Variants in LINGO1 observed in about 807,000 individuals in gnomAD.
LINGO1 encodes leucine rich repeat and Ig domain containing 1.
In LINGO1, 11 loss-of-function variants were observed where a neutral mutation model predicts 37.3. The observed-to-expected ratio is 0.29, with a 90% confidence interval of 0.19 to 0.49. The LOEUF (loss-of-function observed/expected upper bound fraction) is 0.49. Ranked by LOEUF, LINGO1 falls within the 20% of genes least tolerant of loss-of-function variation. The probability of loss-of-function intolerance (pLI) is 0.99; values close to 1 mark genes in which losing one functional copy is unlikely to be tolerated. For missense variants in LINGO1, 585 were observed against 878.2 expected (o/e 0.67, Z 4.22); for synonymous variants, 387 against 403.0 (o/e 0.96, Z 0.48).
chr15:77,632,542 G>A lies in LINGO1; in HGVS notation c.-227C>T. 1 of 268,638 alleles carries A rather than the reference G, an allele frequency of 3.7e-6. No homozygotes were observed. Among genetic ancestry groups the A allele is most frequent in the Non-Finnish European group, 6.7e-6 (1 of 148,572 alleles). The allele number at this position is 268,638 out of a possible 1,614,324, so 16.6% of individuals were successfully genotyped here. Reference sequence around the variant, plus strand: ...CCGGGGCTCGGGAGTGGGGAGGCGGGAGGCCGCGGCCCCGGCGGGCGGATG... The same window carrying A: ...CCGGGGCTCGGGAGTGGGGAGGCGGAAGGCCGCGGCCCCGGCGGGCGGATG... On this transcript the variant is annotated 5_prime_UTR_variant, in exon 1 of 2. Coordinates refer to ENST00000355300, the MANE Select transcript of LINGO1 (RefSeq NM_032808.7). This position sits in a 1 kb window ranked among gnomAD's most constrained non-coding sequence, Gnocchi z 6.0.
intron 3 of LINGO1, among the ~76,000 whole-genome samples, chr15:77,656,669 C>T (rs2074873534): frequency 6.6e-6 from 1 of 152,174 alleles, no homozygotes; most frequent in Non-Finnish European, 1.5e-5. Context: ...CAGTCCTGTC[C>T]TCGGCCCTCC....
At chr15:77,699,033 T>C (rs1340225032), upstream of LINGO1, among the ~76,000 whole-genome samples, 2 of 152,162 alleles carry the variant, frequency 1.3e-5, no homozygotes, top group East Asian at 3.9e-4. Flanking sequence ...TCCAGGGATG[T>C]GTCAGGAAAG....
rs1180622993 is a variant in LINGO1, at chr15:77,704,578, T to C, written c.-194-13677A>G. On this transcript the variant is annotated intron_variant, in intron 2 of 3. Coordinates refer to the LINGO1 transcript ENST00000561686. ...CCAACCCTGGTCACACACTGAGCTC[T>C]GACCCTGGTCAGACACTGAACCCCG... is the stretch of plus-strand genomic sequence containing the variant. 4.1e-5 allele frequency among the ~76,000 whole-genome samples: 6 copies of C among 145,622 alleles called. No individual in the cohort carries two copies. In the East Asian group the frequency reaches 1.2e-3, roughly 30 times the overall value.
At chr15:77,764,824 C>G (rs1005932816) in intron 1 of LINGO1, among the ~76,000 whole-genome samples, 1 of 152,204 alleles carries the variant, frequency 6.6e-6, no homozygotes, top group African/African-American at 2.4e-5. Context: ...GAGTCTCCCA[C>G]ATGCACAAGG....
chr15:77,734,086 G>A (rs1318469208), intron 2 of LINGO1, among the ~76,000 whole-genome samples: 1 of 152,140 alleles, frequency 6.6e-6, no homozygotes, highest in African/African-American at 2.4e-5. Context: ...CCCTGCCCTG[G>A]GCCGTGCGGC....
At chr15:77,819,891 C>T (rs56061966) in intron 1 of LINGO1, 15,417 of 151,312 alleles carry the variant, frequency 0.1, 840 homozygotes, top group Middle Eastern at 0.14. Context: ...CTTCTCCCCC[C>T]CTTCCAGTCC....
intron 1 of LINGO1, among the ~76,000 whole-genome samples, chr15:77,765,866 G>A (rs1451918247): frequency 6.6e-6 from 1 of 152,126 alleles, no homozygotes; most frequent in Non-Finnish European, 1.5e-5. Flanking sequence ...GGCAGCCATG[G>A]TTGACAGGCC....
chr15:77,708,790 A>T (rs537867638), intron 2 of LINGO1, among the ~76,000 whole-genome samples: 4 of 152,292 alleles, frequency 2.6e-5, no homozygotes, highest in African/African-American at 9.6e-5. Flanking sequence ...CTGTAATCCC[A>T]GCTACTCGGG....
intron 1 of LINGO1, among the ~76,000 whole-genome samples, 177 bp from the exon 2 acceptor site, chr15:77,616,077 C>T (rs2073710249): frequency 1.3e-5 from 2 of 152,160 alleles, no homozygotes; most frequent in Admixed American, 1.3e-4. Context: ...GCTGCCCCCT[C>T]CTTGCCTCTT....
chr15:77,667,615 G>C (rs2075160677), intron 3 of LINGO1: 1 of 152,218 alleles, frequency 6.6e-6, no homozygotes, highest in African/African-American at 2.4e-5. Flanking sequence ...AGCCTTGTCA[G>C]TGTGACATTA....
At chr15:77,782,183 T>C (rs960361333) in intron 1 of LINGO1, among the ~76,000 whole-genome samples, 3 of 151,260 alleles carry the variant, frequency 2.0e-5, no homozygotes, top group Non-Finnish European at 2.9e-5. Flanking sequence ...GTTAATGGGC[T>C]CCACACGATG....
intron 3 of LINGO1, among the ~76,000 whole-genome samples, chr15:77,653,275 G>T (rs569565931): frequency 6.6e-6 from 1 of 152,280 alleles, no homozygotes; most frequent in South Asian, 2.1e-4. Flanking sequence ...CACTGTCCTT[G>T]CCTGCTGTTC....
chr15:77,807,092 A>G (rs1433592248), intron 1 of LINGO1, among the ~76,000 whole-genome samples: 1 of 152,042 alleles, frequency 6.6e-6, no homozygotes, highest in East Asian at 1.9e-4. Flanking sequence ...TCCTGTCTGG[A>G]ATTCCTTCCT....
At chr15:77,746,106 A>C (rs2141357188) in intron 1 of LINGO1, among the ~76,000 whole-genome samples, 1 of 151,546 alleles carries the variant, frequency 6.6e-6, no homozygotes, top group South Asian at 2.1e-4. Context: ...TACACAGGAG[A>C]CTGAGGCAGG....
At chr15:77,693,166 C>T (rs149067855) in intron 1 of LINGO1, among the ~76,000 whole-genome samples, 213 of 152,324 alleles carry the variant, frequency 1.4e-3, no homozygotes, top group African/African-American at 4.9e-3. Context: ...TTCTTGTTTT[C>T]TGTGTTATTT....
intron 1 of LINGO1, among the ~76,000 whole-genome samples, chr15:77,756,913 T>C (rs1567566309): frequency 6.6e-6 from 1 of 152,152 alleles, no homozygotes; most frequent in Non-Finnish European, 1.5e-5. Flanking sequence ...CACACACTCA[T>C]CCCTCAGGGA....
At chr15:77,804,660 C>A (rs1226907420) in intron 1 of LINGO1, among the ~76,000 whole-genome samples, 1 of 152,154 alleles carries the variant, frequency 6.6e-6, no homozygotes, top group Non-Finnish European at 1.5e-5. Flanking sequence ...TGGCCTGACC[C>A]CGGCTCCAGG....
rs754883713 is a variant in LINGO1, at chr15:77,615,694, G to C, written c.213C>G (p.Thr71=). Residue 71 remains threonine, a synonymous_variant, in exon 2 of 2, where the codon ACC becomes ACG. Coordinates refer to ENST00000355300, the MANE Select transcript of LINGO1 (RefSeq NM_032808.7). ...TGCCTAGGTCCAGCAGGCGCGTCTC[G>C]GTGGGGATGCCCTCGGGGACTGCCA... ...RFVAVPEGIP[T]ETRLLDLGKN... is the part of the protein sequence containing the mutation. 2 of 1,604,488 alleles carry C rather than the reference G, an allele frequency of 1.2e-6. No individual in the cohort carries two copies. Among genetic ancestry groups the C allele is most frequent in the Admixed American group, 3.4e-5 (2 of 59,318 alleles).
chr15:77,759,378 C>T (rs571291799), intron 1 of LINGO1, among the ~76,000 whole-genome samples: 2 of 152,310 alleles, frequency 1.3e-5, no homozygotes, highest in East Asian at 1.9e-4. Context: ...GCCAGGGGCC[C>T]GCAACGCCTG....
Sources: gnomAD v4.1 joint callset for allele counts (sites outside exome capture counted in the v4.1 genomes callset) on GRCh38, gnomAD v4.1.1 for gene constraint, Gnocchi (gnomAD v3.1) non-coding constraint, MANE v1.5 for transcripts, NCBI Gene and HGNC (gene_info 2026-07-23, HGNC 2026-07-21) for gene names.